PHF24: variants seen among roughly 807,000 people sequenced by gnomAD.
The protein encoded by PHF24 is PHD finger protein 24, also known as Galpha inhibitory interacting protein.
In PHF24, 25 loss-of-function variants were observed where a neutral mutation model predicts 42.6. That is an observed-to-expected ratio of 0.59 (90% confidence interval 0.43 to 0.82). The LOEUF is 0.82. Ranked by LOEUF, PHF24 falls within the 40% of genes least tolerant of loss-of-function variation. PHF24 has a pLI of 0.00. For synonymous variants in PHF24, 185 were observed against 204.8 expected, an observed-to-expected ratio of 0.90 and a Z score of 0.83; for missense variants, 470 against 538.1, an observed-to-expected ratio of 0.87 and a Z score of 1.25.
In PHF24 at chr9:34,975,303, C is replaced by T. The variant is rs1271386749; in HGVS notation, c.565-849C>T. Among the ~76,000 whole-genome samples the T allele has an allele frequency of 2.0e-5, 3 of 152,150 alleles. No individual in the cohort carries two copies. In the East Asian group the frequency reaches 5.8e-4, roughly 29 times the overall value. ...ACACCACTGTGGCGCCCAGTGTTTACTAGGTGCTCAGTAGGTGTTTATTGA... is the reference window on the plus strand; with the variant it reads ...ACACCACTGTGGCGCCCAGTGTTTATTAGGTGCTCAGTAGGTGTTTATTGA... On this transcript the variant is annotated intron_variant, in intron 3 of 7. Coordinates refer to ENST00000242315, the Ensembl canonical transcript of PHF24.
the PHF24 span, among the ~76,000 whole-genome samples, chr9:34,753,317 A>G: frequency 7.9e-5 from 12 of 152,146 alleles, no homozygotes; most frequent in Non-Finnish European, 1.5e-4. Flanking sequence ...AAGATACAAA[A>G]TCAACATATG....
chr9:34,928,556 T>G, the PHF24 span, among the ~76,000 whole-genome samples: 1 of 152,194 alleles, frequency 6.6e-6, no homozygotes, highest in African/African-American at 2.4e-5. Flanking sequence ...AGGCCAGTCT[T>G]TTTTTCATTC....
chr9:34,893,050 C>T, the PHF24 span: 1 of 951,714 alleles, frequency 1.1e-6, no homozygotes, highest in Admixed American at 2.2e-5. Context: ...TCTCACCTGC[C>T]AGCAATTGCT....
chr9:34,707,578 C>T, the PHF24 span, among the ~76,000 whole-genome samples: 1 of 152,154 alleles, frequency 6.6e-6, no homozygotes, highest in Non-Finnish European at 1.5e-5. Context: ...TCTTCACCTG[C>T]TGCAAGAGGA....
chr9:34,853,269 A>T, the PHF24 span, among the ~76,000 whole-genome samples: 1 of 152,082 alleles, frequency 6.6e-6, no homozygotes, highest in East Asian at 1.9e-4. Flanking sequence ...TAAATTTATT[A>T]ATTTGTGTAT....
chr9:34,669,655 G>C, the PHF24 span, among the ~76,000 whole-genome samples: 1 of 151,468 alleles, frequency 6.6e-6, no homozygotes, highest in Admixed American at 6.6e-5. Flanking sequence ...AGGAGGCTGT[G>C]GCTGTCTCCT....
chr9:34,727,895 C>A, the PHF24 span: 1 of 827,802 alleles, frequency 1.2e-6, no homozygotes, highest in African/African-American at 1.7e-5. Context: ...CACCCAGTGT[C>A]CCTGCTTCCA....
At chr9:34,942,688 A>G in the PHF24 span, among the ~76,000 whole-genome samples, 1 of 152,064 alleles carries the variant, frequency 6.6e-6, no homozygotes, top group Non-Finnish European at 1.5e-5. Context: ...CGATGAGTTC[A>G]TGTCCTTTAC....
the PHF24 span, among the ~76,000 whole-genome samples, chr9:34,722,667 T>C: frequency 6.6e-6 from 1 of 152,184 alleles, no homozygotes; most frequent in East Asian, 1.9e-4. Flanking sequence ...TATGGGTTCC[T>C]CCTCACCAGC....
the PHF24 span, chr9:34,835,977 A>T: frequency 1.4e-6 from 1 of 707,400 alleles, no homozygotes; most frequent in Non-Finnish European, 2.6e-6. Context: ...CCAGAGCCAT[A>T]GCATTGCAAA....
At chr9:34,956,605 G>C (rs527460996), upstream of PHF24, among the ~76,000 whole-genome samples, 6 of 152,222 alleles carry the variant, frequency 3.9e-5, no homozygotes, top group African/African-American at 1.4e-4. Context: ...AGATTTATAT[G>C]ATGATGTTAC....
upstream of PHF24, among the ~76,000 whole-genome samples, chr9:34,955,686 A>G (rs1826356667): frequency 6.6e-6 from 1 of 152,156 alleles, no homozygotes; most frequent in African/African-American, 2.4e-5. Flanking sequence ...CAAAAAAAAG[A>G]GTGGTACAGG....
chr9:34,704,997 A>G, the PHF24 span, among the ~76,000 whole-genome samples: 19 of 152,326 alleles, frequency 1.2e-4, no homozygotes, highest in African/African-American at 4.3e-4. Flanking sequence ...CAGGGATTAA[A>G]ATGAGTTTTC....
At chr9:34,787,377 A>G in the PHF24 span, among the ~76,000 whole-genome samples, 7 of 152,162 alleles carry the variant, frequency 4.6e-5, no homozygotes, top group African/African-American at 1.7e-4. Flanking sequence ...GGTGAGAACT[A>G]GATTGGGAAA....
At chr9:34,976,915 G>A (rs1253006870) in intron 5 of PHF24, among the ~76,000 whole-genome samples, 168 bp from the exon 6 acceptor site, 3 of 152,222 alleles carry the variant, frequency 2.0e-5, no homozygotes, top group African/African-American at 7.2e-5. Flanking sequence ...GAAACTGCGT[G>A]AGGAAGACTG....
chr9:34,763,674 T>C, the PHF24 span, among the ~76,000 whole-genome samples: 6 of 152,266 alleles, frequency 3.9e-5, no homozygotes, highest in African/African-American at 7.2e-5. Flanking sequence ...CTTTTCCTAA[T>C]TGAATACCCT....
the PHF24 span, among the ~76,000 whole-genome samples, chr9:34,783,211 A>G: frequency 2.0e-5 from 3 of 152,310 alleles, no homozygotes; most frequent in East Asian, 5.8e-4. Context: ...TGCTTCAACC[A>G]GGACCACCAG....
At chr9:34,709,684 T>C in the PHF24 span, 1 of 1,613,812 alleles carries the variant, frequency 6.2e-7, no homozygotes, top group Non-Finnish European at 8.5e-7. Context: ...GGCAAGAACC[T>C]GCGGGTGGGG....
the PHF24 span, among the ~76,000 whole-genome samples, chr9:34,887,875 A>C: frequency 6.6e-6 from 1 of 152,220 alleles, no homozygotes; most frequent in Non-Finnish European, 1.5e-5. Context: ...GTGCCTATAA[A>C]AGTGCCTGGC....
Sources: allele counts gnomAD v4.1 joint callset (sites outside exome capture counted in the v4.1 genomes callset), GRCh38; gene constraint gnomAD v4.1.1; transcripts MANE v1.5; gene names NCBI Gene and HGNC (gene_info 2026-07-23, HGNC 2026-07-21).